SAMD12: variants seen among roughly 807,000 people sequenced by gnomAD.
SAMD12 encodes the protein sterile alpha motif domain-containing protein 12.
A neutral mutation model predicts 15.0 loss-of-function variants in SAMD12; 9 were observed. The observed-to-expected ratio is 0.60, with a 90% CI of 0.36 to 1.05. The LOEUF is 1.05. Among genes scored for constraint, SAMD12 ranks in the 50% least tolerant of loss-of-function variants. SAMD12 has a pLI of 0.01. For synonymous variants in SAMD12, 86 were observed against 90.1 expected (o/e 0.96, Z 0.25); for missense variants, 230 against 234.2 (o/e 0.98, Z 0.12).
intron 4 of SAMD12, among the ~76,000 whole-genome samples, chr8:118,218,445 C>G (rs531962658): frequency 3.2e-4 from 48 of 152,138 alleles, no homozygotes; most frequent in Admixed American, 8.5e-4. Flanking sequence ...CTATTATTAA[C>G]TATAATCACC....
At chr8:118,474,546 A>ATTT (rs113662358) in intron 2 of SAMD12, among the ~76,000 whole-genome samples, 1 of 134,816 alleles carries the variant, frequency 7.4e-6, no homozygotes, top group African/African-American at 3.0e-5. Context: ...ATGCCCAGCT[A>ATTT]TTTTTTTTTT....
chr8:118,322,382 A>C (rs1248126991), intron 4 of SAMD12, among the ~76,000 whole-genome samples: 1 of 152,240 alleles, frequency 6.6e-6, no homozygotes, highest in Non-Finnish European at 1.5e-5. Flanking sequence ...TCATTAAATG[A>C]ACCACTGAAT....
In SAMD12 at chr8:118,592,379, A is replaced by AT. The variant is rs1228327330; in HGVS notation, c.14-11487dup. 8.6e-5 allele frequency among the ~76,000 whole-genome samples: 13 copies of AT among 151,764 alleles called. No individual in the cohort carries two copies. In the South Asian group the frequency reaches 1.5e-3, roughly 17 times the overall value. ...TTCCCATGTTACTCTGGGGAATAAGATTTTTTTTTCCTCTGCATTTTAATT... is the reference window on the plus strand; with the variant it reads ...TTCCCATGTTACTCTGGGGAATAAGATTTTTTTTTTCCTCTGCATTTTAATT... On this transcript the variant is annotated intron_variant, in intron 1 of 3. Coordinates refer to ENST00000314727, the MANE Select transcript of SAMD12 (RefSeq NM_207506.3).
chr8:118,316,536 A>G (rs999967307), intron 4 of SAMD12, among the ~76,000 whole-genome samples: 1 of 149,464 alleles, frequency 6.7e-6, no homozygotes, highest in Non-Finnish European at 1.5e-5. Context: ...CTGCCTCAAA[A>G]CAAACAAACA....
chr8:118,504,893 A>G (rs1050852513), intron 2 of SAMD12, among the ~76,000 whole-genome samples: 1 of 152,214 alleles, frequency 6.6e-6, no homozygotes, highest in South Asian at 2.1e-4. Flanking sequence ...TCCAGCCACA[A>G]GCACAGCAGG....
At chr8:118,186,551 C>A (rs1291351943), downstream of SAMD12, among the ~76,000 whole-genome samples, 1 of 93,314 alleles carries the variant, frequency 1.1e-5, no homozygotes, top group Non-Finnish European at 2.1e-5. Context: ...TTCTGTTACC[C>A]TCCATTTTTT....
intron 4 of SAMD12, among the ~76,000 whole-genome samples, chr8:118,369,212 G>A (rs1469451036): frequency 6.6e-6 from 1 of 152,112 alleles, no homozygotes; most frequent in African/African-American, 2.4e-5. Context: ...AAACAGACAC[G>A]TAGACCAATG....
chr8:118,521,431 G>T (rs1825385320), intron 2 of SAMD12, among the ~76,000 whole-genome samples: 1 of 152,176 alleles, frequency 6.6e-6, no homozygotes, highest in Non-Finnish European at 1.5e-5. Context: ...CTGAAGGAGG[G>T]TACATTTGAA....
intron 2 of SAMD12, among the ~76,000 whole-genome samples, chr8:118,487,552 G>A (rs1298820346): frequency 6.6e-6 from 1 of 152,216 alleles, no homozygotes; most frequent in Non-Finnish European, 1.5e-5. Flanking sequence ...GATGCCTCAT[G>A]TTGCTTCTGA....
At chr8:118,262,442 C>T (rs771692675) in intron 4 of SAMD12, among the ~76,000 whole-genome samples, 1 of 152,088 alleles carries the variant, frequency 6.6e-6, no homozygotes, top group African/African-American at 2.4e-5. Flanking sequence ...AAGGGCCATG[C>T]TAACTTGACT....
intron 2 of SAMD12, among the ~76,000 whole-genome samples, chr8:118,536,069 C>G (rs550188309): frequency 6.6e-6 from 1 of 152,302 alleles, no homozygotes; most frequent in South Asian, 2.1e-4. Context: ...TGGAGCTGTT[C>G]CTATTCGGCC....
chr8:118,543,145 G>A (rs1415525233), intron 2 of SAMD12, among the ~76,000 whole-genome samples: 1 of 152,200 alleles, frequency 6.6e-6, no homozygotes, highest in Admixed American at 6.5e-5. Flanking sequence ...GAGGATGGGA[G>A]GAAATCGACC....
intron 4 of SAMD12, among the ~76,000 whole-genome samples, chr8:118,310,270 T>C (rs1228287148): frequency 1.3e-5 from 2 of 152,212 alleles, no homozygotes; most frequent in Non-Finnish European, 2.9e-5. Context: ...CCTAATATTG[T>C]TGGTTTATCT....
chr8:118,377,260 T>A (rs1478387451), downstream of SAMD12, among the ~76,000 whole-genome samples: 1 of 151,842 alleles, frequency 6.6e-6, no homozygotes, highest in Non-Finnish European at 1.5e-5. Context: ...TAGCCTGGTG[T>A]GGTGGTGCAT....
Position 118,557,802 on chromosome 8 carries a change from T to C in SAMD12, c.192+22913A>G, listed in dbSNP as rs906496603. 3.3e-5 allele frequency among the ~76,000 whole-genome samples: 5 copies of C among 152,238 alleles called. No individual in the cohort carries two copies. The South Asian group carries it at 1.0e-3, about 32-fold the overall frequency. Reference sequence around the variant, plus strand: ...TCTAGAAATAAAATCCTAACATTGTTGTTTATAAATTTTAGCATGTTCCTG... The same window carrying C: ...TCTAGAAATAAAATCCTAACATTGTCGTTTATAAATTTTAGCATGTTCCTG... On this transcript the variant is annotated intron_variant, in intron 2 of 3. Transcript: ENST00000314727.
At chr8:118,326,822 T>C (rs1345532722) in intron 4 of SAMD12, among the ~76,000 whole-genome samples, 1 of 152,226 alleles carries the variant, frequency 6.6e-6, no homozygotes, top group Non-Finnish European at 1.5e-5. Flanking sequence ...TATGGTTACA[T>C]GTTCCATTCT....
intron 1 of SAMD12, among the ~76,000 whole-genome samples, chr8:118,596,476 T>A (rs1255466425): frequency 6.6e-6 from 1 of 152,158 alleles, no homozygotes; most frequent in South Asian, 2.1e-4. Flanking sequence ...ACCTGCTATA[T>A]CTAATGCCCA....
intron 4 of SAMD12, among the ~76,000 whole-genome samples, chr8:118,332,402 G>A (rs891045110): frequency 1.3e-5 from 2 of 152,324 alleles, no homozygotes; most frequent in South Asian, 4.1e-4. Flanking sequence ...GACCAGCGTC[G>A]CTGCAGTGGC....
At chr8:118,400,691 G>A (rs1820827449) in intron 3 of SAMD12, 1 of 152,092 alleles carries the variant, frequency 6.6e-6, no homozygotes, top group South Asian at 2.1e-4. Context: ...GCAGAGTAAT[G>A]GAGCATAGCA....
Sources: gnomAD v4.1 joint callset for allele counts (sites outside exome capture counted in the v4.1 genomes callset) on GRCh38, gnomAD v4.1.1 for gene constraint, MANE v1.5 for transcripts, NCBI Gene and HGNC (gene_info 2026-07-23, HGNC 2026-07-21) for gene names.